The following MINDY3 variants were observed in gnomAD, a reference collection of about 807,000 sequenced individuals.
MINDY3 encodes the protein ubiquitin carboxyl-terminal hydrolase MINDY-3.
MINDY3 carries 38 observed loss-of-function variants against 69.2 expected under a neutral mutation model. That is an observed-to-expected ratio of 0.55 (90% confidence interval 0.42 to 0.72). MINDY3 has a LOEUF of 0.72. MINDY3 is among the 30% of genes least tolerant of loss of function. The pLI, the probability that MINDY3 is intolerant of heterozygous loss-of-function variation, is 0.00. For synonymous variants in MINDY3, 192 were observed against 180.1 expected (o/e 1.07, Z -0.53); for missense variants, 522 against 519.0 (o/e 1.01, Z -0.06).
intron 6 of MINDY3, 147 bp from the exon 7 acceptor site, chr10:15,834,763 C>T (rs1378665358): frequency 6.8e-6 from 4 of 584,828 alleles, no homozygotes; most frequent in Non-Finnish European, 1.2e-5. Flanking sequence ...AATGGGGGTG[C>T]ATTTGAGATA....
At chr10:15,795,332 T>A (rs1012849278) in intron 11 of MINDY3, among the ~76,000 whole-genome samples, 5 of 151,984 alleles carry the variant, frequency 3.3e-5, no homozygotes, top group Admixed American at 3.3e-4. Context: ...ATGACATGGA[T>A]TTTCAGAGAG....
chr10:15,789,285 A>G lies in MINDY3; in HGVS notation c.990T>C (p.Asp330=). ...NGFIPDSLLE[D]VMKALDLVSD... is the part of the protein sequence containing the mutation. ...AAACAAGGTCCAATGCTTTCATCAC[A>G]TCTTCCAGAAGTGAATCGGGTATGA... The change falls in exon 12 of 15, where the codon GAT becomes GAC. Residue 330 remains aspartate (D), a synonymous_variant. Coordinates refer to ENST00000277632, the MANE Select transcript of MINDY3 (RefSeq NM_024948.4). The G allele has an allele frequency of 1.2e-6, 2 of 1,611,656 alleles. No individual in the cohort carries two copies. The highest frequency in any genetic ancestry group is 1.7e-6 in the Non-Finnish European group (2 of 1,178,474).
intron 3 of MINDY3, among the ~76,000 whole-genome samples, chr10:15,842,060 G>A (rs1465287368): frequency 6.6e-6 from 1 of 151,690 alleles, no homozygotes; most frequent in East Asian, 1.9e-4. Flanking sequence ...TGAGATGAGA[G>A]ACCGTCAGCA....
intron 1 of MINDY3, chr10:15,857,940 A>C (rs1776506767): frequency 1.0e-6 from 1 of 985,004 alleles, no homozygotes; most frequent in Non-Finnish European, 1.2e-6. Flanking sequence ...ATGAGACTGC[A>C]GTTGTCAACT....
At chr10:15,787,418 A>G (rs1837057081) in intron 12 of MINDY3, among the ~76,000 whole-genome samples, 1 of 152,176 alleles carries the variant, frequency 6.6e-6, no homozygotes, top group African/African-American at 2.4e-5. Context: ...ATCTCAAACT[A>G]TAAAGGCCAA....
At chr10:15,781,913 T>C (rs1836564375) in intron 14 of MINDY3, among the ~76,000 whole-genome samples, 2 of 152,332 alleles carry the variant, frequency 1.3e-5, no homozygotes, top group Middle Eastern at 3.4e-3. Flanking sequence ...GGTAACGATC[T>C]GTATGGGGGT....
Position 15,817,014 on chromosome 10 carries a change from G to A in MINDY3, c.802-99C>T, listed in dbSNP as rs376178874. On this transcript the variant is annotated intron_variant, in intron 9 of 14. Transcript: ENST00000277632. ...ATCTGAAGCATAAAGTGTCCAATTT[G>A]TATTTAACTGAAATAATGTATTGTG... 3.4e-5 allele frequency: 29 copies of A among 844,456 alleles called. No individual in the cohort carries two copies. The African/African-American group carries it at 4.3e-4, about 13-fold the overall frequency. 52.3% of individuals were successfully genotyped at this position (844,456 alleles called of 1,614,324 possible).
chr10:15,846,561 T>C (rs1040973440), intron 2 of MINDY3, among the ~76,000 whole-genome samples: 1 of 152,050 alleles, frequency 6.6e-6, no homozygotes, highest in African/African-American at 2.4e-5. Context: ...CAAAAAAAAG[T>C]CAACTTAAAA....
chr10:15,825,710 C>T (rs1007086487), intron 8 of MINDY3, among the ~76,000 whole-genome samples: 2 of 152,050 alleles, frequency 1.3e-5, no homozygotes, highest in East Asian at 1.9e-4. Context: ...ATATATTTAC[C>T]GTGTACAACA....
intron 10 of MINDY3, among the ~76,000 whole-genome samples, chr10:15,809,191 G>T (rs373456893): frequency 6.6e-6 from 1 of 152,136 alleles, no homozygotes; most frequent in African/African-American, 2.4e-5. Flanking sequence ...CGATGGTTAG[G>T]GAGAAAATAG....
In MINDY3 at chr10:15,860,499, A is replaced by G. The variant is rs1835025480; in HGVS notation, c.-200T>C. 7 of 596,406 alleles carry G rather than the reference A, an allele frequency of 1.2e-5. No homozygotes were observed. Among genetic ancestry groups the G allele is most frequent in the Non-Finnish European group, 2.1e-5 (7 of 338,968 alleles). The allele number at this position is 596,406 out of a possible 1,614,324, so 36.9% of individuals were successfully genotyped here. ...GTTGGGGCAGCAGCGAGTTTTCCGT[A>G]CCGGAAGTGCTGGTGCCACTTCCGA... On this transcript the variant is annotated 5_prime_UTR_variant, in exon 1 of 15. Coordinates refer to ENST00000277632, the MANE Select transcript of MINDY3 (RefSeq NM_024948.4).
Position 15,847,851 on chromosome 10 carries a change from G to A in MINDY3, c.174+13C>T. 1.2e-6 allele frequency: 2 copies of A among 1,603,222 alleles called. No individual in the cohort carries two copies. Among genetic ancestry groups the A allele is most frequent in the Non-Finnish European group, 1.7e-6 (2 of 1,170,182 alleles). The stretch of plus-strand genomic sequence containing the variant: ...ATGTCCCTCTAAGGAGTTGGTAAAG[G>A]AGTCTATGTTACCTGAACAGGTGCA... On this transcript the variant is annotated intron_variant, in intron 2 of 14. Coordinates refer to ENST00000277632, the MANE Select transcript of MINDY3 (RefSeq NM_024948.4).
intron 14 of MINDY3, 58 bp downstream of exon 14, chr10:15,782,097 C>T: frequency 8.2e-7 from 1 of 1,219,270 alleles, no homozygotes; most frequent in Non-Finnish European, 1.2e-6. Flanking sequence ...TTGTTACATA[C>T]TCACATAATT....
intron 8 of MINDY3, among the ~76,000 whole-genome samples, chr10:15,830,320 G>A (rs369509602): frequency 3.3e-5 from 5 of 152,286 alleles, no homozygotes; most frequent in African/African-American, 9.6e-5. Flanking sequence ...AGGACTTGAT[G>A]AATATCTCTT....
intron 14 of MINDY3, among the ~76,000 whole-genome samples, chr10:15,779,585 G>C (rs1018197166): frequency 6.6e-6 from 1 of 152,152 alleles, no homozygotes; most frequent in African/African-American, 2.4e-5. Flanking sequence ...ATGTTCTGAG[G>C]AACATGTGTC....
At chr10:15,846,170 T>C (rs1413633746) in intron 2 of MINDY3, among the ~76,000 whole-genome samples, 1 of 152,128 alleles carries the variant, frequency 6.6e-6, no homozygotes, top group Non-Finnish European at 1.5e-5. Context: ...AAAAGTAGGT[T>C]CAGGATTTTG....
At chr10:15,818,874 G>A (rs928234021) in intron 9 of MINDY3, among the ~76,000 whole-genome samples, 7 of 152,168 alleles carry the variant, frequency 4.6e-5, no homozygotes, top group African/African-American at 1.7e-4. Context: ...AGCTCCTTTT[G>A]TGGGTAAGGA....
chr10:15,808,303 C>T (rs1400767366), intron 10 of MINDY3, among the ~76,000 whole-genome samples: 2 of 152,144 alleles, frequency 1.3e-5, no homozygotes, highest in African/African-American at 2.4e-5. Flanking sequence ...CCAGAATTTA[C>T]TTAAGATAAA....
At chr10:15,819,437 A>T (rs935575108) in intron 9 of MINDY3, among the ~76,000 whole-genome samples, 1 of 152,190 alleles carries the variant, frequency 6.6e-6, no homozygotes, top group Non-Finnish European at 1.5e-5. Flanking sequence ...TTAAGTTCTT[A>T]TTCCAGCCAC....
Sources: allele counts gnomAD v4.1 joint callset (sites outside exome capture counted in the v4.1 genomes callset), GRCh38; gene constraint gnomAD v4.1.1; transcripts MANE v1.5; gene names NCBI Gene and HGNC (gene_info 2026-07-23, HGNC 2026-07-21).